Variants in WDFY2 observed in about 807,000 individuals in gnomAD.
The protein encoded by WDFY2 is WD repeat and FYVE domain-containing protein 2.
A neutral mutation model predicts 56.4 loss-of-function variants in WDFY2; 36 were observed. The ratio of observed to expected loss-of-function variants is 0.64; its 90% CI spans 0.49 to 0.84. The LOEUF (loss-of-function observed/expected upper bound fraction) is 0.84, where lower values mean the gene tolerates loss of function less well. WDFY2 is among the 40% of genes least tolerant of loss of function. The probability of loss-of-function intolerance (pLI) is 0.00; values close to 1 mark genes in which losing one functional copy is unlikely to be tolerated. For synonymous variants in WDFY2, 176 were observed against 183.7 expected (o/e 0.96, Z 0.34); for missense variants, 444 against 512.2 (o/e 0.87, Z 1.29).
chr13:51,699,835 A>T (rs1951947836), intron 3 of WDFY2, among the ~76,000 whole-genome samples: 2 of 152,194 alleles, frequency 1.3e-5, no homozygotes, highest in Non-Finnish European at 2.9e-5. Flanking sequence ...TTCTACATAG[A>T]CATTAGTTCA....
rs1955867113 is a variant in WDFY2 at position 51,675,233 on chromosome 13, G to A, written c.269G>A (p.Gly90Asp). 1.2e-6 allele frequency: 2 copies of A among 1,613,268 alleles called. No homozygotes were observed. The highest frequency in any genetic ancestry group is 1.3e-5 in the African/African-American group (1 of 74,874). Reference sequence around the variant, plus strand: ...AGACTGTCCATAGGTCTAGACAATGGTACAATCTCAGTAAGTACACATAAA... The same window carrying A: ...AGACTGTCCATAGGTCTAGACAATGATACAATCTCAGTAAGTACACATAAA... ...TRRLSIGLDN[G>D]TISEFILSED... The change falls in exon 3 of 12, where the codon GGT (glycine) becomes GAT (aspartate). Residue 90 changes from glycine (G) to aspartate (D), a missense_variant. Physicochemically the swap from Gly to Asp is moderately conservative, Grantham distance 94. Transcript: ENST00000298125.
At chr13:51,692,967 C>G (rs1951777502) in intron 3 of WDFY2, among the ~76,000 whole-genome samples, 1 of 152,124 alleles carries the variant, frequency 6.6e-6, no homozygotes, top group Non-Finnish European at 1.5e-5. Context: ...TCTAGATTTT[C>G]TAGTTTATTT....
At chr13:51,683,050 T>C (rs1593408856) in intron 3 of WDFY2, among the ~76,000 whole-genome samples, 1 of 152,196 alleles carries the variant, frequency 6.6e-6, no homozygotes, top group East Asian at 1.9e-4. Flanking sequence ...GCCATTTTAA[T>C]CTTCATCGTC....
intron 3 of WDFY2, among the ~76,000 whole-genome samples, chr13:51,689,746 T>C (rs952465425): frequency 1.3e-5 from 2 of 152,192 alleles, no homozygotes; most frequent in Admixed American, 1.3e-4. Flanking sequence ...TGGTAGCCAG[T>C]GAAACCTCTT....
chr13:51,692,811 A>G (rs1047070014), intron 3 of WDFY2, among the ~76,000 whole-genome samples: 1 of 152,162 alleles, frequency 6.6e-6, no homozygotes. Context: ...TCGGCTGTGA[A>G]TCCATATGGT....
intron 1 of WDFY2, among the ~76,000 whole-genome samples, chr13:51,606,701 A>G (rs897970791): frequency 1.6e-4 from 24 of 152,174 alleles, no homozygotes; most frequent in Non-Finnish European, 2.9e-4. Flanking sequence ...TGCAAATGTA[A>G]TAAGTCCTGG....
At chr13:51,692,315 A>T (rs1951757901) in intron 3 of WDFY2, among the ~76,000 whole-genome samples, 1 of 152,180 alleles carries the variant, frequency 6.6e-6, no homozygotes, top group Non-Finnish European at 1.5e-5. Flanking sequence ...ATTCAGTATG[A>T]TATTGGCTGT....
intron 1 of WDFY2, among the ~76,000 whole-genome samples, chr13:51,619,867 G>T (rs1242582502): frequency 6.6e-6 from 1 of 152,322 alleles, no homozygotes; most frequent in Middle Eastern, 3.4e-3. Context: ...ATTTGAACCT[G>T]CCTTGCATAG....
chr13:51,651,559 A>G (rs1457199707), intron 1 of WDFY2, among the ~76,000 whole-genome samples: 1 of 152,242 alleles, frequency 6.6e-6, no homozygotes, highest in Non-Finnish European at 1.5e-5. Flanking sequence ...ATTTAGTGCT[A>G]TAAATTTCCC....
intron 1 of WDFY2, among the ~76,000 whole-genome samples, chr13:51,660,007 C>T (rs192208641): frequency 1.3e-5 from 2 of 152,162 alleles, no homozygotes; most frequent in African/African-American, 2.4e-5. Flanking sequence ...ACAACAAGAA[C>T]GAAAATAATA....
At chr13:51,638,502 A>G (rs938904359) in intron 1 of WDFY2, among the ~76,000 whole-genome samples, 1 of 152,168 alleles carries the variant, frequency 6.6e-6, no homozygotes, top group African/African-American at 2.4e-5. Context: ...AAACTCTTAG[A>G]TGGATTGATT....
Position 51,654,126 on chromosome 13 carries a change from G to A in WDFY2, c.138-6470G>A, listed in dbSNP as rs375632924. Among the ~76,000 whole-genome samples, 7 of 152,254 alleles carry A rather than the reference G, an allele frequency of 4.6e-5. No individual in the cohort carries two copies. The East Asian group carries it at 1.4e-3, about 29-fold the overall frequency. On this transcript the variant is annotated intron_variant, in intron 1 of 11. Transcript: ENST00000298125. ...TGCCAGGCGCCCCTCCCCCAGCCTC[G>A]CTGCTGCCTTGCATTTTGATCTCAG... is the stretch of plus-strand genomic sequence containing the variant.
At chr13:51,599,907 A>C (rs968999890) in intron 1 of WDFY2, among the ~76,000 whole-genome samples, 1 of 151,812 alleles carries the variant, frequency 6.6e-6, no homozygotes, top group Admixed American at 6.6e-5. Flanking sequence ...AAAAAAAAAA[A>C]CAAAACAAAA....
intron 1 of WDFY2, among the ~76,000 whole-genome samples, chr13:51,626,243 C>A (rs1031429707): frequency 6.6e-6 from 1 of 152,178 alleles, no homozygotes; most frequent in Non-Finnish European, 1.5e-5. Context: ...AGCATTTGTA[C>A]AATAGAAAGA....
chr13:51,620,104 C>T (rs2138354508), intron 1 of WDFY2, among the ~76,000 whole-genome samples: 1 of 151,780 alleles, frequency 6.6e-6, no homozygotes, highest in South Asian at 2.1e-4. Context: ...TGGTTCCACC[C>T]AGTAAAATTA....
At chr13:51,588,820 C>CTAT (rs1953992633) in intron 1 of WDFY2, 1 of 152,130 alleles carries the variant, frequency 6.6e-6, no homozygotes, top group Non-Finnish European at 1.5e-5. Flanking sequence ...AGGAGTGACT[C>CTAT]TGATAGCAAA....
chr13:51,710,962 A>C (rs1331672767), intron 4 of WDFY2, among the ~76,000 whole-genome samples: 1 of 152,214 alleles, frequency 6.6e-6, no homozygotes, highest in Non-Finnish European at 1.5e-5. Context: ...TGGAACCAAA[A>C]AAGAGCCCGC....
intron 3 of WDFY2, among the ~76,000 whole-genome samples, chr13:51,691,022 C>T (rs1287661324): frequency 6.6e-6 from 1 of 152,140 alleles, no homozygotes; most frequent in African/African-American, 2.4e-5. Context: ...TCATGTCCTT[C>T]ACCCACTTTT....
intron 10 of WDFY2, 147 bp downstream of exon 10, chr13:51,756,609 T>G: frequency 7.3e-7 from 1 of 1,377,142 alleles, no homozygotes; most frequent in Non-Finnish European, 9.4e-7. Flanking sequence ...AGCTCTCCTT[T>G]GCCACCAAGA....
Sources: gnomAD v4.1 joint callset for allele counts (sites outside exome capture counted in the v4.1 genomes callset) on GRCh38, gnomAD v4.1.1 for gene constraint, MANE v1.5 for transcripts, NCBI Gene and HGNC (gene_info 2026-07-23, HGNC 2026-07-21) for gene names.